The following RBFOX1 variants were observed in gnomAD, a reference collection of about 807,000 sequenced individuals.
RBFOX1 encodes the protein RNA binding fox-1 homolog 1, also known as RNA binding protein fox-1 homolog 1.
A neutral mutation model predicts 57.7 loss-of-function variants in RBFOX1; 8 were observed. The ratio of observed to expected loss-of-function variants is 0.14; its 90% confidence interval spans 0.08 to 0.25. The LOEUF is 0.25. Among genes scored for constraint, RBFOX1 ranks in the 10% least tolerant of loss-of-function variants. The pLI, the probability that RBFOX1 is intolerant of heterozygous loss-of-function variation, is 1.00. For missense variants in RBFOX1, 611 were observed against 548.5 expected (o/e 1.11, Z -1.14); for synonymous variants, 326 against 222.4 (o/e 1.47, Z -4.15).
At chr16:7,125,562 A>G (rs1331556997) in intron 4 of RBFOX1, among the ~76,000 whole-genome samples, 2 of 152,168 alleles carry the variant, frequency 1.3e-5, no homozygotes, top group Admixed American at 6.5e-5. Context: ...GTGCCAAGTC[A>G]TGGATGGTTC....
At chr16:6,016,584 A>G (rs79716111), upstream of RBFOX1, among the ~76,000 whole-genome samples, 2,660 of 152,330 alleles carry the variant, frequency 0.017, 71 homozygotes, top group African/African-American at 0.06. Context: ...GCCAAGCACA[A>G]GGCTACAAAG....
chr16:6,521,253 T>A (rs1009248859), intron 2 of RBFOX1, among the ~76,000 whole-genome samples: 14 of 152,142 alleles, frequency 9.2e-5, no homozygotes, highest in African/African-American at 2.9e-4. Context: ...CTGTTGCTCA[T>A]TGGTCAAGGA....
At chr16:6,247,635 C>T (rs559683311) in intron 1 of RBFOX1, among the ~76,000 whole-genome samples, 21 of 152,110 alleles carry the variant, frequency 1.4e-4, no homozygotes, top group African/African-American at 5.1e-4. Flanking sequence ...TAGTTATTAT[C>T]TCTGTATCAG....
At chr16:5,591,482 C>T (rs1052497805) in intron 2 of RBFOX1, among the ~76,000 whole-genome samples, 12 of 152,108 alleles carry the variant, frequency 7.9e-5, no homozygotes. Context: ...TACTCCTGAC[C>T]TCAGGTGATC....
intron 4 of RBFOX1, among the ~76,000 whole-genome samples, chr16:7,439,781 C>T (rs1336351506): frequency 6.6e-6 from 1 of 152,088 alleles, no homozygotes; most frequent in Non-Finnish European, 1.5e-5. Context: ...GCCAAATTTA[C>T]AGATTGCTTG....
chr16:6,395,631 G>C (rs898228287), intron 2 of RBFOX1, among the ~76,000 whole-genome samples: 2 of 151,788 alleles, frequency 1.3e-5, no homozygotes, highest in African/African-American at 4.8e-5. Flanking sequence ...TTGGATTATT[G>C]CATCTTGGGA....
At chr16:6,754,779 G>T (rs2075520290) in intron 3 of RBFOX1, among the ~76,000 whole-genome samples, 1 of 151,976 alleles carries the variant, frequency 6.6e-6, no homozygotes, top group African/African-American at 2.4e-5. Flanking sequence ...ATGTATACAT[G>T]TGCCATGCTG....
chr16:5,683,750 T>TATATATA (rs1194500303), intron 3 of RBFOX1, among the ~76,000 whole-genome samples: 1 of 148,568 alleles, frequency 6.7e-6, no homozygotes, highest in African/African-American at 2.4e-5. Flanking sequence ...TATGTGTGTG[T>TATATATA]ATATATAATA....
chr16:5,648,704 A>G (rs1203102384), intron 3 of RBFOX1, among the ~76,000 whole-genome samples: 2 of 152,114 alleles, frequency 1.3e-5, no homozygotes, highest in Non-Finnish European at 2.9e-5. Context: ...CAGGACTGGA[A>G]GTTATTGAGG....
chr16:7,665,601 G>A (rs1212767000), intron 13 of RBFOX1, among the ~76,000 whole-genome samples: 1 of 152,084 alleles, frequency 6.6e-6, no homozygotes, highest in African/African-American at 2.4e-5. Flanking sequence ...AAAAGAGTAG[G>A]CTATTTCTCA....
intron 4 of RBFOX1, among the ~76,000 whole-genome samples, chr16:7,337,207 T>G (rs1015438515): frequency 5.9e-5 from 9 of 152,218 alleles, no homozygotes; most frequent in African/African-American, 2.2e-4. Flanking sequence ...ACTGGATTTG[T>G]TGAACCAGGG....
At chr16:5,274,764 A>C (rs2063101042) in intron 1 of RBFOX1, among the ~76,000 whole-genome samples, 1 of 152,174 alleles carries the variant, frequency 6.6e-6, no homozygotes, top group African/African-American at 2.4e-5. Context: ...AGGCTTTTTT[A>C]GGGCAAGCAG....
chr16:7,228,160 G>C (rs2178713), intron 4 of RBFOX1, among the ~76,000 whole-genome samples: 116,475 of 152,076 alleles, frequency 0.77, 45,822 homozygotes, highest in East Asian at 0.97. Flanking sequence ...TTCCGCGAGA[G>C]CAGGCATTGT....
At chr16:5,289,928 C>T (rs1024078174) in intron 1 of RBFOX1, among the ~76,000 whole-genome samples, 1 of 152,200 alleles carries the variant, frequency 6.6e-6, no homozygotes, top group African/African-American at 2.4e-5. Flanking sequence ...CACAAATGCT[C>T]ATAGCAGCGT....
At chr16:5,399,914 G>T (rs2066665956) in intron 1 of RBFOX1, among the ~76,000 whole-genome samples, 1 of 151,808 alleles carries the variant, frequency 6.6e-6, no homozygotes, top group Non-Finnish European at 1.5e-5. Context: ...TTTTATTTTT[G>T]ATGGTAAGAA....
At chr16:6,214,190 C>A (rs554797259) in intron 1 of RBFOX1, among the ~76,000 whole-genome samples, 1 of 152,338 alleles carries the variant, frequency 6.6e-6, no homozygotes, top group Non-Finnish European at 1.5e-5. Context: ...CCCACTGTCT[C>A]CATCTCTCTC....
chr16:6,801,686 C>T (rs1305377909), intron 3 of RBFOX1, among the ~76,000 whole-genome samples: 8 of 151,880 alleles, frequency 5.3e-5, no homozygotes, highest in Non-Finnish European at 7.4e-5. Flanking sequence ...TGCTATTTCT[C>T]GTGGTCTAAT....
chr16:7,401,939 A>G (rs895950351), intron 4 of RBFOX1, among the ~76,000 whole-genome samples: 1 of 152,226 alleles, frequency 6.6e-6, no homozygotes, highest in African/African-American at 2.4e-5. Context: ...TAAATCTCCA[A>G]AAGAGGAATG....
chr16:7,687,983 C>G (rs888560808), intron 14 of RBFOX1, among the ~76,000 whole-genome samples: 2 of 151,958 alleles, frequency 1.3e-5, no homozygotes, highest in Non-Finnish European at 2.9e-5. Context: ...TGGGCCTGGT[C>G]ATTGGTATTT....
Sources: allele counts gnomAD v4.1 joint callset (sites outside exome capture counted in the v4.1 genomes callset), GRCh38; gene constraint gnomAD v4.1.1; transcripts MANE v1.5; gene names NCBI Gene and HGNC (gene_info 2026-07-23, HGNC 2026-07-21).